TNFRSF11A: variants seen among roughly 807,000 people sequenced by gnomAD.
The protein encoded by TNFRSF11A is TNF receptor superfamily member 11a, also known as tumor necrosis factor receptor superfamily member 11A.
TNFRSF11A carries 32 observed loss-of-function variants against 55.7 expected under a neutral mutation model. The observed-to-expected ratio is 0.57, with a 90% confidence interval of 0.43 to 0.77. The LOEUF is 0.77. TNFRSF11A is among the 30% of genes least tolerant of loss of function. The probability of loss-of-function intolerance (pLI) is 0.00; values close to 1 mark genes in which losing one functional copy is unlikely to be tolerated. For synonymous variants in TNFRSF11A, 311 were observed against 331.0 expected (o/e 0.94, Z 0.65); for missense variants, 753 against 809.8 (o/e 0.93, Z 0.85).
Position 62,368,747 on chromosome 18 carries a change from G to T in TNFRSF11A, c.830G>T (p.Gly277Val), listed in dbSNP as rs1163373646. Residue 277 changes from glycine (G) to valine (V), a missense_variant, in exon 9 of 10, where the codon GGT (glycine) becomes GTT (valine). This residue lies in a region of TNFRSF11A where 567 missense variants were observed against 596.7 expected (regional missense o/e 0.95). Coordinates refer to ENST00000586569, the MANE Select transcript of TNFRSF11A (RefSeq NM_003839.4). ...SCVSTHTANF[G>V]QQGACEGVLL... ...GTCAGTACACACACGGCAAACTTTG[G>T]TCAGCAGGGAGCATGTGAAGGTGTC... 6.2e-7 allele frequency: 1 copy of T among 1,614,102 alleles called. No homozygotes were observed. Among genetic ancestry groups the T allele is most frequent in the African/African-American group, 1.3e-5 (1 of 74,926 alleles).
At chr18:62,384,057 A>G (rs1261553950) in intron 9 of TNFRSF11A, among the ~76,000 whole-genome samples, 1 of 151,408 alleles carries the variant, frequency 6.6e-6, no homozygotes, top group Admixed American at 6.6e-5. Context: ...ACACACACAC[A>G]CACACACACA....
At chr18:62,370,567 G>T (rs6567274) in intron 9 of TNFRSF11A, among the ~76,000 whole-genome samples, 45,194 of 151,992 alleles carry the variant, frequency 0.3, 7,195 homozygotes, top group Non-Finnish European at 0.33. Flanking sequence ...TGCCTCGTGG[G>T]AATGATGGTT....
At position 62,369,111 on chromosome 18, in the gene TNFRSF11A, T is replaced by G; in HGVS notation, c.1194T>G (p.Gly398=). Residue 398 remains glycine, a synonymous_variant, in exon 9 of 10, where the codon GGT becomes GGG. Coordinates refer to ENST00000586569, the MANE Select transcript of TNFRSF11A (RefSeq NM_003839.4). Reference sequence around the variant, plus strand: ...TCACGGGGACACAGAGCACAGTGGGTTCAGAAAGCTGCAACTGCACTGAGC... The same window carrying G: ...TCACGGGGACACAGAGCACAGTGGGGTCAGAAAGCTGCAACTGCACTGAGC... ...QCFTGTQSTV[G]SESCNCTEPL... is the part of the protein sequence containing the mutation. 1 of 1,614,052 alleles carries G rather than the reference T, an allele frequency of 6.2e-7. No individual in the cohort carries two copies. The highest frequency in any genetic ancestry group is 1.1e-5 in the South Asian group (1 of 91,088).
chr18:62,365,718 T>TA (rs1353473423), intron 7 of TNFRSF11A, among the ~76,000 whole-genome samples: 2 of 152,256 alleles, frequency 1.3e-5, no homozygotes, highest in Non-Finnish European at 2.9e-5. Flanking sequence ...ACTGAAACGT[T>TA]AGAGGATCAT....
At chr18:62,377,581 C>T (rs1291219538) in intron 9 of TNFRSF11A, among the ~76,000 whole-genome samples, 2 of 152,164 alleles carry the variant, frequency 1.3e-5, no homozygotes, top group African/African-American at 2.4e-5. Flanking sequence ...GGATCTGAGC[C>T]ATTCTAATAG....
chr18:62,369,864 G>A (rs1397692656), intron 9 of TNFRSF11A, among the ~76,000 whole-genome samples: 1 of 152,092 alleles, frequency 6.6e-6, no homozygotes, highest in Admixed American at 6.5e-5. Context: ...TCTGCTTTTT[G>A]GTTTTTGTTT....
At position 62,349,942 on chromosome 18, in the gene TNFRSF11A, G is replaced by A. The variant is rs1297786430; in HGVS notation, c.283+5G>A. On this transcript the variant is annotated splice_donor_5th_base_variant and intron_variant, in intron 3 of 9. Transcript: ENST00000586569. The stretch of plus-strand genomic sequence containing the variant: ...TGCATAAAGTTTGTGATACAGGTGA[G>A]CCCGTCCTGTCAGTGTGTCAGTGGG... The A allele has an allele frequency of 2.5e-6, 4 of 1,613,736 alleles. No individual in the cohort carries two copies. The highest frequency in any genetic ancestry group is 3.4e-6 in the Non-Finnish European group (4 of 1,179,852).
In TNFRSF11A at chr18:62,354,249, G is replaced by A. The variant is rs183664553; in HGVS notation, c.284-142G>A. ...TGCGAGGAGGAACTTGGGACTTCTC[G>A]AGCAGTGTCCTGGTGATTCACTCTG... On this transcript the variant is annotated intron_variant, in intron 3 of 9. Transcript: ENST00000586569. The A allele has an allele frequency of 5.7e-6, 6 of 1,056,122 alleles. No individual in the cohort carries two copies. In the East Asian group the frequency reaches 1.7e-4, roughly 30 times the overall value. 65.4% of individuals were successfully genotyped at this position (1,056,122 alleles called of 1,614,324 possible).
In TNFRSF11A at chr18:62,358,527, C is replaced by A. The variant is rs541108810; in HGVS notation, c.521+186C>A. Reference sequence around the variant, plus strand: ...TAAACCAGTCAAACTAATTCTTCAGCCCTATGTGTGACAGGAACTTCGTGT... The same window carrying A: ...TAAACCAGTCAAACTAATTCTTCAGACCTATGTGTGACAGGAACTTCGTGT... On this transcript the variant is annotated intron_variant, in intron 5 of 9. Coordinates refer to ENST00000586569, the MANE Select transcript of TNFRSF11A (RefSeq NM_003839.4). Among the ~76,000 whole-genome samples, 4 of 152,328 alleles carry A rather than the reference C, an allele frequency of 2.6e-5. No individual in the cohort carries two copies. The South Asian group carries it at 8.3e-4, about 32-fold the overall frequency.
intron 4 of TNFRSF11A, among the ~76,000 whole-genome samples, chr18:62,356,137 C>T (rs555931422): frequency 2.0e-5 from 3 of 152,140 alleles, no homozygotes; most frequent in Non-Finnish European, 2.9e-5. Context: ...CGTTTTTTTC[C>T]ACGACTTAAC....
At chr18:62,361,569 A>G in intron 6 of TNFRSF11A, 111 bp from the exon 7 acceptor site, 1 of 1,069,426 alleles carries the variant, frequency 9.4e-7, no homozygotes, top group Non-Finnish European at 1.5e-6. Flanking sequence ...CACTTCTGCT[A>G]TCCCAGACCA....
intron 9 of TNFRSF11A, among the ~76,000 whole-genome samples, chr18:62,384,104 T>C (rs995374479): frequency 2.0e-5 from 3 of 151,986 alleles, no homozygotes; most frequent in Non-Finnish European, 4.4e-5. Context: ...CTCTCTCTCT[T>C]TTGTAACATC....
chr18:62,354,041 A>G (rs80067526), intron 3 of TNFRSF11A, among the ~76,000 whole-genome samples: 18,387 of 152,270 alleles, frequency 0.12, 1,589 homozygotes, highest in Non-Finnish European at 0.18. Context: ...TTGAATTTAC[A>G]AAAAACGAGG....
At chr18:62,352,510 T>TC (rs1218095684) in intron 3 of TNFRSF11A, among the ~76,000 whole-genome samples, 2 of 152,256 alleles carry the variant, frequency 1.3e-5, no homozygotes, top group Admixed American at 1.3e-4. Context: ...TGACCTTGAC[T>TC]CATTGCTGTC....
intron 1 of TNFRSF11A, among the ~76,000 whole-genome samples, chr18:62,331,097 G>C (rs557347970): frequency 3.3e-5 from 5 of 152,208 alleles, no homozygotes; most frequent in African/African-American, 1.2e-4. Context: ...CCAGCTGCTC[G>C]GGAGGCTGAG....
rs544387707 is a variant in TNFRSF11A at position 62,332,050 on chromosome 18, C to A, written c.75+6623C>A. ...GTTGAGAGTACAAGAGCCACTTCCT[C>A]AAGCTATCAGAAATTTGAAGACTTT... On this transcript the variant is annotated intron_variant, in intron 1 of 9. Transcript: ENST00000586569. Among the ~76,000 whole-genome samples the A allele has an allele frequency of 2.0e-5, 3 of 152,278 alleles. 1 individual carries two copies. The South Asian group carries it at 6.2e-4, about 32-fold the overall frequency.
chr18:62,328,795 A>G (rs750696121), intron 1 of TNFRSF11A, among the ~76,000 whole-genome samples: 28 of 152,216 alleles, frequency 1.8e-4, no homozygotes, highest in African/African-American at 6.3e-4. Context: ...GCTGAGAAAT[A>G]TTTCAAATGC....
At chr18:62,328,765 G>A (rs1057395043) in intron 1 of TNFRSF11A, among the ~76,000 whole-genome samples, 1 of 152,220 alleles carries the variant, frequency 6.6e-6, no homozygotes, top group African/African-American at 2.4e-5. Flanking sequence ...ACACAGATCT[G>A]TGGGCTTACA....
chr18:62,362,670 A>G (rs1340723801), intron 7 of TNFRSF11A, among the ~76,000 whole-genome samples: 3 of 152,100 alleles, frequency 2.0e-5, no homozygotes, highest in African/African-American at 7.2e-5. Flanking sequence ...TGTAGACTAC[A>G]AAGCTAAAAA....
Sources: gnomAD v4.1 joint callset for allele counts (sites outside exome capture counted in the v4.1 genomes callset) on GRCh38, gnomAD v4.1.1 for gene constraint, gnomAD v4.1.1 regional missense constraint, MANE v1.5 for transcripts, NCBI Gene and HGNC (gene_info 2026-07-23, HGNC 2026-07-21) for gene names.